SEC22C: variants seen among roughly 807,000 people sequenced by gnomAD.
SEC22C encodes the protein vesicle-trafficking protein SEC22c.
A neutral mutation model predicts 34.7 loss-of-function variants in SEC22C; 29 were observed. The observed-to-expected ratio is 0.84, with a 90% CI of 0.62 to 1.14. The LOEUF is 1.14. Among genes scored for constraint, SEC22C ranks in the 50% most tolerant of loss-of-function variants. SEC22C has a pLI of 0.00. For missense variants in SEC22C, 337 were observed against 369.0 expected, an observed-to-expected ratio of 0.91 and a Z score of 0.71; for synonymous variants, 117 against 132.8, an observed-to-expected ratio of 0.88 and a Z score of 0.82.
At chr3:42,600,968 T>G in exon 1 of SEC22C, 1 of 1,495,416 alleles carries the variant, frequency 6.7e-7, no homozygotes, top group Non-Finnish European at 9.0e-7. Flanking sequence ...ACCGCTTTTC[T>G]CCCCCTCTCT....
At chr3:42,592,867 A>AC (rs200614123) in intron 1 of SEC22C, among the ~76,000 whole-genome samples, 69 of 150,346 alleles carry the variant, frequency 4.6e-4, no homozygotes, top group East Asian at 1.8e-3. Context: ...GAAGAACTCT[A>AC]CCCCCCCCAC....
intron 1 of SEC22C, among the ~76,000 whole-genome samples, chr3:42,581,004 C>G: frequency 6.6e-6 from 1 of 152,212 alleles, no homozygotes; most frequent in East Asian, 1.9e-4. Context: ...ACACTGACTC[C>G]AAGATGGCTT....
chr3:42,554,322 A>C (rs948290192), intron 6 of SEC22C, among the ~76,000 whole-genome samples: 1 of 152,076 alleles, frequency 6.6e-6, no homozygotes, highest in Non-Finnish European at 1.5e-5. Context: ...TGGGTTGAAA[A>C]TTTCTTTTTG....
At chr3:42,595,031 G>A (rs1197462451) in intron 1 of SEC22C, 4 of 152,246 alleles carry the variant, frequency 2.6e-5, no homozygotes, top group Admixed American at 2.6e-4. Context: ...CATGTAATAA[G>A]TATTCCATTT....
Position 42,548,382 on chromosome 3 carries a change from G to C in SEC22C, c.*4866C>G. The C allele has an allele frequency of 1.7e-6, 1 of 582,512 alleles. No individual in the cohort carries two copies. The highest frequency in any genetic ancestry group is 2.1e-5 in the South Asian group (1 of 47,274). The allele number at this position is 582,512 out of a possible 1,614,324, so 36.1% of individuals were successfully genotyped here. ...TCATATGTACTAAGCATGGGTCAGA[G>C]GAATAGAATGGATTTGTTAATTTTA... On this transcript the variant is annotated 3_prime_UTR_variant, in exon 7 of 7. Coordinates refer to ENST00000264454, the MANE Select transcript of SEC22C (RefSeq NM_032970.4).
At chr3:42,576,804 A>C (rs1225821725) in intron 1 of SEC22C, among the ~76,000 whole-genome samples, 11 of 152,096 alleles carry the variant, frequency 7.2e-5, no homozygotes. Flanking sequence ...TGAAAAGGCA[A>C]AGAAACTAAA....
rs1226715799 is a variant in SEC22C, at chr3:42,564,189, G to A, written c.183-503C>T. On this transcript the variant is annotated intron_variant, in intron 2 of 6. Coordinates refer to ENST00000264454, the MANE Select transcript of SEC22C (RefSeq NM_032970.4). Reference sequence around the variant, plus strand: ...GCCTATAATTTTCCTTTCTTATACTGTCTTCATCTGATTGTGGTATTTAGG... The same window carrying A: ...GCCTATAATTTTCCTTTCTTATACTATCTTCATCTGATTGTGGTATTTAGG... The A allele has an allele frequency of 1.5e-5, 4 of 267,174 alleles. No individual in the cohort carries two copies. In the East Asian group the frequency reaches 3.1e-4, roughly 21 times the overall value. 16.6% of individuals were successfully genotyped at this position (267,174 alleles called of 1,614,324 possible).
intron 3 of SEC22C, among the ~76,000 whole-genome samples, chr3:42,563,191 C>T (rs766078677): frequency 3.3e-5 from 5 of 152,234 alleles, no homozygotes; most frequent in Non-Finnish European, 7.3e-5. Flanking sequence ...AGCATAGCCA[C>T]GTTCTGCTTT....
At chr3:42,568,726 T>A in intron 2 of SEC22C, 139 bp downstream of exon 2, 1 of 672,528 alleles carries the variant, frequency 1.5e-6, no homozygotes, top group Non-Finnish European at 2.5e-6. Flanking sequence ...GATTCTGTTG[T>A]AGACACACAT....
Position 42,552,851 on chromosome 3 carries a change from T to G in SEC22C, c.*397A>C. On this transcript the variant is annotated 3_prime_UTR_variant, in exon 7 of 7. Transcript: ENST00000264454. ...GTTATGTTTAGACTGAAAGCTGATT[T>G]GGATTTTAAAGTGGTTCCTTGGAGA... 2.0e-6 allele frequency: 2 copies of G among 1,024,766 alleles called. No individual in the cohort carries two copies. The highest frequency in any genetic ancestry group is 7.9e-5 in the South Asian group (2 of 25,382). 63.5% of individuals were successfully genotyped at this position (1,024,766 alleles called of 1,614,324 possible). A position where few individuals can be genotyped will look rare whatever the true frequency, so the allele number is the denominator to read the frequency against.
chr3:42,589,454 T>C (rs1403268713), intron 1 of SEC22C, among the ~76,000 whole-genome samples: 1 of 152,066 alleles, frequency 6.6e-6, no homozygotes, highest in Admixed American at 6.6e-5. Context: ...CCCTCCTAAA[T>C]GAAGTGGCCG....
chr3:42,590,484 G>A (rs555955121), intron 1 of SEC22C, among the ~76,000 whole-genome samples: 4 of 152,140 alleles, frequency 2.6e-5, no homozygotes, highest in Non-Finnish European at 5.9e-5. Context: ...AAAATTAGAC[G>A]GGCGTGGTGG....
intron 2 of SEC22C, among the ~76,000 whole-genome samples, chr3:42,568,125 A>G (rs558005574): frequency 6.6e-6 from 1 of 152,282 alleles, no homozygotes; most frequent in Non-Finnish European, 1.5e-5. Context: ...TAAAAAAGTG[A>G]AAAAATTAAA....
At chr3:42,573,508 G>C (rs530203448) in intron 1 of SEC22C, 1 of 152,414 alleles carries the variant, frequency 6.6e-6, no homozygotes, top group South Asian at 2.1e-4. Flanking sequence ...CTGGGCTACA[G>C]AGCGAGACTC....
At chr3:42,584,132 T>C (rs974376605), upstream of SEC22C, among the ~76,000 whole-genome samples, 19 of 152,340 alleles carry the variant, frequency 1.2e-4, no homozygotes, top group African/African-American at 4.1e-4. Context: ...TCTATAGATA[T>C]AGATCTATAT....
At chr3:42,572,218 C>CAAAAAAAAAAAAAAAAAAAAAAAA (rs540416562) in intron 1 of SEC22C, among the ~76,000 whole-genome samples, 1 of 81,734 alleles carries the variant, frequency 1.2e-5, no homozygotes, top group Admixed American at 1.5e-4. Context: ...GGGTACAGAC[C>CAAAAAAAAAAAAAAAAAAAAAAAA]AAAAAAAAAA....
chr3:42,564,010 C>A, intron 2 of SEC22C: 1 of 1,123,634 alleles, frequency 8.9e-7, no homozygotes, highest in Non-Finnish European at 1.1e-6. Flanking sequence ...CTTCTTTAAT[C>A]TACATCAACA....
At chr3:42,571,517 T>C (rs1306236704) in intron 1 of SEC22C, among the ~76,000 whole-genome samples, 3 of 152,224 alleles carry the variant, frequency 2.0e-5, no homozygotes, top group African/African-American at 4.8e-5. Context: ...AAAGATTTTA[T>C]AGGCTGCCAC....
intron 6 of SEC22C, 69 bp downstream of exon 6, chr3:42,555,861 G>T: frequency 1.6e-6 from 2 of 1,267,490 alleles, no homozygotes; most frequent in South Asian, 1.2e-5. Context: ...GAAACTTGCT[G>T]ATAGATGAAC....
Sources: allele counts gnomAD v4.1 joint callset (sites outside exome capture counted in the v4.1 genomes callset), GRCh38; gene constraint gnomAD v4.1.1; transcripts MANE v1.5; gene names NCBI Gene and HGNC (gene_info 2026-07-23, HGNC 2026-07-21).